The following CCSER1 variants were observed in gnomAD, a reference collection of about 807,000 sequenced individuals.
CCSER1 encodes coiled-coil serine rich protein 1, also known as serine-rich coiled-coil domain-containing protein 1.
Under a neutral mutation model 82.0 loss-of-function variants are expected in CCSER1, and 41 were observed. That is an observed-to-expected ratio of 0.50 (90% CI 0.39 to 0.65). The LOEUF is 0.65. Ranked by LOEUF, CCSER1 falls within the 30% of genes least tolerant of loss-of-function variation. The pLI is 0.00. For synonymous variants in CCSER1, 414 were observed against 383.9 expected, an observed-to-expected ratio of 1.08 and a Z score of -0.92; for missense variants, 1,119 against 1,064.2, an observed-to-expected ratio of 1.05 and a Z score of -0.72.
chr4:91,442,615 GA>G (rs1281136287), intron 10 of CCSER1, among the ~76,000 whole-genome samples: 1 of 137,000 alleles, frequency 7.3e-6, no homozygotes, highest in Non-Finnish European at 1.6e-5. Context: ...AGCCAAAATT[GA>G]CAAATGGGAT....
At chr4:90,884,377 T>C (rs1310256270) in intron 8 of CCSER1, among the ~76,000 whole-genome samples, 1 of 152,176 alleles carries the variant, frequency 6.6e-6, no homozygotes, top group Admixed American at 6.5e-5. Context: ...GGGATACATG[T>C]ATATACACAC....
Position 91,583,787 on chromosome 4 carries a change from A to C in CCSER1, c.2218-14785A>C, listed in dbSNP as rs373736409. Among the ~76,000 whole-genome samples, 41 of 151,608 alleles carry C rather than the reference A, an allele frequency of 2.7e-4. 2 individuals are homozygous for C. The East Asian group carries it at 5.4e-3, about 20-fold the overall frequency. ...GATCAGATGTCTCCTGTGAGATAGA[A>C]GAGATGGAAAAAGTGTCATATGCCC... On this transcript the variant is annotated intron_variant, in intron 10 of 10. Coordinates refer to ENST00000509176, the MANE Select transcript of CCSER1 (RefSeq NM_001145065.2).
chr4:90,194,382 T>C (rs1325565278), intron 1 of CCSER1, among the ~76,000 whole-genome samples: 2 of 152,090 alleles, frequency 1.3e-5, no homozygotes, highest in African/African-American at 4.8e-5. Context: ...TCTTGTTATT[T>C]ATGAACTCTG....
rs376812961 is a variant in CCSER1, at chr4:91,479,841, A to C, written c.2218-118731A>C. ...TGTGCCATGCTGGTGCGCTGCACCC[A>C]CTAACTCGTCATCTAGCATTAGGTA... On this transcript the variant is annotated intron_variant, in intron 10 of 10. Coordinates refer to ENST00000509176, the MANE Select transcript of CCSER1 (RefSeq NM_001145065.2). 2.2e-3 allele frequency among the ~76,000 whole-genome samples: 320 copies of C among 144,530 alleles called. 6 individuals carry two copies. The East Asian group carries it at 0.048, about 22-fold the overall frequency. The allele number at this position is 144,530 out of a possible 152,430, so 94.8% of individuals were successfully genotyped here.
intron 5 of CCSER1, among the ~76,000 whole-genome samples, chr4:90,522,531 C>A (rs753136086): frequency 2.0e-5 from 3 of 152,128 alleles, no homozygotes; most frequent in Non-Finnish European, 2.9e-5. Context: ...CACATGGCTC[C>A]ACTGACCATC....
chr4:90,826,084 T>C (rs949814656), intron 8 of CCSER1, among the ~76,000 whole-genome samples: 3 of 152,224 alleles, frequency 2.0e-5, no homozygotes, highest in Non-Finnish European at 4.4e-5. Context: ...TTCATGTTAC[T>C]TTCCTTGTAA....
chr4:90,449,011 G>A (rs1482329405), intron 4 of CCSER1, among the ~76,000 whole-genome samples: 2 of 152,154 alleles, frequency 1.3e-5, no homozygotes, highest in African/African-American at 4.8e-5. Context: ...ACCTGAAGTT[G>A]GTAGCTCATT....
intron 8 of CCSER1, among the ~76,000 whole-genome samples, chr4:90,903,252 A>G (rs903289366): frequency 6.6e-6 from 1 of 152,116 alleles, no homozygotes; most frequent in East Asian, 1.9e-4. Flanking sequence ...CATGGTGACC[A>G]GCCTTTCCCA....
chr4:91,073,713 GT>G (rs1446638185), intron 9 of CCSER1, among the ~76,000 whole-genome samples: 9 of 152,032 alleles, frequency 5.9e-5, no homozygotes, highest in African/African-American at 9.7e-5. Flanking sequence ...TGTGTTCAAA[GT>G]TTTTTGGAAT....
intron 3 of CCSER1, among the ~76,000 whole-genome samples, chr4:90,388,703 T>C (rs1265506599): frequency 6.6e-6 from 1 of 152,164 alleles, no homozygotes; most frequent in Non-Finnish European, 1.5e-5. Flanking sequence ...TGTCGTGATC[T>C]TGGCTCACTG....
chr4:90,530,462 CAAGAA>C (rs1774364444), intron 5 of CCSER1, among the ~76,000 whole-genome samples: 1 of 152,026 alleles, frequency 6.6e-6, no homozygotes, highest in Non-Finnish European at 1.5e-5. Context: ...AGTACACACT[CAAGAA>C]AAGGGAGTGT....
chr4:91,386,854 A>T (rs1751330123), intron 10 of CCSER1, among the ~76,000 whole-genome samples: 1 of 152,042 alleles, frequency 6.6e-6, no homozygotes, highest in Non-Finnish European at 1.5e-5. Context: ...GAAATATTAT[A>T]TTAAGGAAAC....
chr4:90,869,626 G>T (rs182464842), intron 8 of CCSER1, among the ~76,000 whole-genome samples: 3 of 151,926 alleles, frequency 2.0e-5, no homozygotes, highest in Non-Finnish European at 4.4e-5. Context: ...TTAAGTTGAG[G>T]TCAGGTAATG....
At chr4:90,999,139 A>T (rs1737773094) in intron 9 of CCSER1, among the ~76,000 whole-genome samples, 1 of 152,128 alleles carries the variant, frequency 6.6e-6, no homozygotes, top group African/African-American at 2.4e-5. Context: ...TCGTTGTTGG[A>T]CATCTAAGTT....
chr4:90,570,687 G>A (rs1478691477), intron 5 of CCSER1, among the ~76,000 whole-genome samples: 1 of 152,090 alleles, frequency 6.6e-6, no homozygotes, highest in East Asian at 1.9e-4. Flanking sequence ...CAAGGTCTAG[G>A]AATGGACATG....
intron 7 of CCSER1, among the ~76,000 whole-genome samples, chr4:90,728,950 T>G (rs1041603530): frequency 6.6e-6 from 1 of 152,218 alleles, no homozygotes; most frequent in Non-Finnish European, 1.5e-5. Flanking sequence ...CAATGTTTAT[T>G]TTTAATAAAG....
At chr4:90,604,759 G>A (rs149733542) in intron 5 of CCSER1, among the ~76,000 whole-genome samples, 27 of 152,270 alleles carry the variant, frequency 1.8e-4, no homozygotes, top group East Asian at 1.4e-3. Flanking sequence ...AGCTCATCTA[G>A]TGGGGACTTG....
At chr4:91,065,401 A>T (rs1720701903) in intron 9 of CCSER1, among the ~76,000 whole-genome samples, 1 of 152,154 alleles carries the variant, frequency 6.6e-6, no homozygotes, top group Non-Finnish European at 1.5e-5. Flanking sequence ...TAATGGTAAA[A>T]GTTATATTCA....
intron 10 of CCSER1, among the ~76,000 whole-genome samples, chr4:91,397,338 A>G (rs1752053054): frequency 6.6e-6 from 1 of 151,996 alleles, no homozygotes; most frequent in Non-Finnish European, 1.5e-5. Flanking sequence ...TACATTCCAT[A>G]ATAAATGGAT....
Sources: allele counts gnomAD v4.1 joint callset (sites outside exome capture counted in the v4.1 genomes callset), GRCh38; gene constraint gnomAD v4.1.1; transcripts MANE v1.5; gene names NCBI Gene and HGNC (gene_info 2026-07-23, HGNC 2026-07-21).